Variants in KCNAB2 observed in about 807,000 individuals in gnomAD.
The protein encoded by KCNAB2 is potassium voltage-gated channel subfamily A regulatory beta subunit 2.
KCNAB2 carries 29 observed loss-of-function variants against 63.6 expected under a neutral mutation model. The observed-to-expected ratio is 0.46, with a 90% confidence interval of 0.34 to 0.62. KCNAB2 has a LOEUF of 0.62. Among genes scored for constraint, KCNAB2 ranks in the 20% least tolerant of loss-of-function variants. The pLI is 0.01. For missense variants in KCNAB2, 359 were observed against 563.9 expected (o/e 0.64, Z 3.68); for synonymous variants, 222 against 224.2 (o/e 0.99, Z 0.09).
chr1:6,076,579 T>C (rs960976346), intron 4 of KCNAB2, among the ~76,000 whole-genome samples: 1 of 152,224 alleles, frequency 6.6e-6, no homozygotes, highest in Non-Finnish European at 1.5e-5. Context: ...CTATTCCCAG[T>C]TCAGGGAAGC....
intron 4 of KCNAB2, among the ~76,000 whole-genome samples, chr1:6,077,905 G>C (rs1013582368): frequency 6.6e-6 from 1 of 152,234 alleles, no homozygotes; most frequent in African/African-American, 2.4e-5. Flanking sequence ...CGAGCTGCCT[G>C]TGGCTGCTGT....
intron 2 of KCNAB2, among the ~76,000 whole-genome samples, chr1:6,063,019 C>T (rs557672724): frequency 6.0e-5 from 9 of 150,698 alleles, no homozygotes; most frequent in East Asian, 3.9e-4. Context: ...TCTACGGATT[C>T]GCCTATTTGG....
At chr1:6,008,160 G>T (rs1322448037) in intron 1 of KCNAB2, among the ~76,000 whole-genome samples, 3 of 152,162 alleles carry the variant, frequency 2.0e-5, no homozygotes, top group African/African-American at 7.2e-5. Flanking sequence ...GCGAAGGGCA[G>T]GGCTTGGATT....
At chr1:6,083,066 C>T (rs917961125) in intron 5 of KCNAB2, among the ~76,000 whole-genome samples, 19 of 152,266 alleles carry the variant, frequency 1.2e-4, no homozygotes, top group African/African-American at 3.8e-4. Context: ...GCCTGGGGAG[C>T]GCACAGCCCT....
At chr1:6,029,722 G>T (rs1450252687), upstream of KCNAB2, among the ~76,000 whole-genome samples, 1 of 152,214 alleles carries the variant, frequency 6.6e-6, no homozygotes, top group Admixed American at 6.5e-5. Context: ...AATTGCCCAA[G>T]GTCATAGACC....
chr1:6,018,075 T>C (rs1658617107), intron 1 of KCNAB2, among the ~76,000 whole-genome samples: 1 of 152,164 alleles, frequency 6.6e-6, no homozygotes, highest in Non-Finnish European at 1.5e-5. Flanking sequence ...TGTAATCCCA[T>C]AGCTGTAAAC....
chr1:6,009,403 G>A (rs1570848484), intron 1 of KCNAB2, among the ~76,000 whole-genome samples: 1 of 152,170 alleles, frequency 6.6e-6, no homozygotes, highest in African/African-American at 2.4e-5. Context: ...GTGCGTGTAT[G>A]TGTGCACACG....
chr1:6,022,151 T>C (rs751769898), intron 1 of KCNAB2, among the ~76,000 whole-genome samples: 8 of 151,930 alleles, frequency 5.3e-5, no homozygotes, highest in Middle Eastern at 3.2e-3. Flanking sequence ...GTATTGAGTG[T>C]ACAGTTCAGT....
At chr1:6,011,194 C>T (rs909755738) in intron 1 of KCNAB2, among the ~76,000 whole-genome samples, 2 of 152,234 alleles carry the variant, frequency 1.3e-5, no homozygotes, top group African/African-American at 2.4e-5. Flanking sequence ...GGAGCTGCCA[C>T]GTGCACAGGA....
At chr1:6,015,016 C>CT (rs34742623) in intron 1 of KCNAB2, among the ~76,000 whole-genome samples, 26,789 of 82,520 alleles carry the variant, frequency 0.32, 7,118 homozygotes, top group Non-Finnish European at 0.39. Context: ...GGTCACCTTC[C>CT]TTTTTTTTTT....
chr1:6,096,415 C>T lies in KCNAB2; in HGVS notation c.949-221C>T, dbSNP rs983048231. 1.6e-6 allele frequency: 1 copy of T among 613,282 alleles called. No individual in the cohort carries two copies. Among genetic ancestry groups the T allele is most frequent in the South Asian group, 2.0e-5 (1 of 49,346 alleles). 38.0% of individuals were successfully genotyped at this position (613,282 alleles called of 1,614,324 possible). A position where few individuals can be genotyped will look rare whatever the true frequency, so the allele number is the denominator to read the frequency against. On this transcript the variant is annotated intron_variant, in intron 13 of 15. Coordinates refer to ENST00000378083, the MANE Select transcript of KCNAB2 (RefSeq NM_001199862.2). The surrounding 1 kb of genome is among the most constrained non-coding windows in gnomAD (Gnocchi z 5.9). ...CACCACAGTCTTTGCACTTCAGAGC[C>T]TGGACAGGCCCCGCTCATCCACCAG...
chr1:6,091,276 T>A lies in KCNAB2; in HGVS notation c.615T>A (p.Ser205Arg). 6 of 1,533,674 alleles carry A rather than the reference T, an allele frequency of 3.9e-6. No individual in the cohort carries two copies. The highest frequency in any genetic ancestry group is 1.7e-6 in the Non-Finnish European group (2 of 1,144,740). Residue 205 changes from serine to arginine, a missense_variant, in exon 10 of 16, where the codon AGT becomes AGA. By Grantham distance (110) the Ser-to-Arg change is moderately radical. Coordinates refer to ENST00000378083, the MANE Select transcript of KCNAB2 (RefSeq NM_001199862.2). ...TTCTATCACCAGGGGACCCATTTAG[T>A]TCCTCCAAGTCAAGGACATTCATCA... ...PNTPMEGDPF[S>R]SSKSRTFIIE...
chr1:6,000,656 GAAAAAA>G (rs59096294), intron 1 of KCNAB2, among the ~76,000 whole-genome samples: 18 of 141,822 alleles, frequency 1.3e-4, no homozygotes, highest in African/African-American at 4.5e-4. Flanking sequence ...TCCCAGAAAA[GAAAAAA>G]AAAAAAAAGA....
intron 1 of KCNAB2, among the ~76,000 whole-genome samples, chr1:6,011,065 AGT>A (rs1658116546): frequency 1.3e-5 from 2 of 152,218 alleles, no homozygotes; most frequent in South Asian, 4.1e-4. Context: ...CACTGCAAAT[AGT>A]GTGGGTGACC....
upstream of KCNAB2, among the ~76,000 whole-genome samples, chr1:6,033,034 C>A (rs1390161054): frequency 1.3e-5 from 2 of 152,204 alleles, no homozygotes; most frequent in African/African-American, 4.8e-5. Context: ...TAATTGGGAA[C>A]ACCTAATAGA....
At chr1:5,999,724 G>C (rs1213769005) in intron 1 of KCNAB2, among the ~76,000 whole-genome samples, 2 of 152,084 alleles carry the variant, frequency 1.3e-5, no homozygotes, top group Admixed American at 1.3e-4. Context: ...GGTCAGTACA[G>C]GAGCCAGTCC....
Position 6,095,561 on chromosome 1 carries a change from C to T in KCNAB2, c.885C>T (p.Ala295=), listed in dbSNP as rs1465738460. The T allele has an allele frequency of 3.7e-6, 6 of 1,613,398 alleles. No individual in the cohort carries two copies. The highest frequency in any genetic ancestry group is 5.1e-6 in the Non-Finnish European group (6 of 1,180,016). The change falls in exon 13 of 16, where the codon GCC becomes GCT. Residue 295 remains alanine, a synonymous_variant. Transcript: ENST00000378083. ...GCGCCATGACCTGGTCCCCTCTGGCCTGTGGCATTGTTTCTGGCAAGTACG... is the reference window on the plus strand; with the variant it reads ...GCGCCATGACCTGGTCCCCTCTGGCTTGTGGCATTGTTTCTGGCAAGTACG... ...GVGAMTWSPL[A]CGIVSGKYDS...
At chr1:6,014,596 C>T (rs1476844847) in intron 1 of KCNAB2, among the ~76,000 whole-genome samples, 3 of 152,176 alleles carry the variant, frequency 2.0e-5, no homozygotes, top group Non-Finnish European at 2.9e-5. Context: ...GGCTCTCTGC[C>T]GGCAAGCAGC....
chr1:6,017,613 G>C (rs1385448863), intron 1 of KCNAB2, among the ~76,000 whole-genome samples: 1 of 152,066 alleles, frequency 6.6e-6, no homozygotes, highest in Non-Finnish European at 1.5e-5. Context: ...GGCCAACATA[G>C]TGAAACCCCA....
Sources: gnomAD v4.1 joint callset for allele counts (sites outside exome capture counted in the v4.1 genomes callset) on GRCh38, gnomAD v4.1.1 for gene constraint, Gnocchi (gnomAD v3.1) non-coding constraint, MANE v1.5 for transcripts, NCBI Gene and HGNC (gene_info 2026-07-23, HGNC 2026-07-21) for gene names.